PCNX2: variants seen among roughly 807,000 people sequenced by gnomAD.
PCNX2 encodes pecanex-like protein 2.
A neutral mutation model predicts 223.8 loss-of-function variants in PCNX2; 168 were observed. The ratio of observed to expected loss-of-function variants is 0.75; its 90% CI spans 0.66 to 0.85. The LOEUF is 0.85. Ranked by LOEUF, PCNX2 falls within the 40% of genes least tolerant of loss-of-function variation. The pLI is 0.00. For missense variants in PCNX2, 2,507 were observed against 2,675.5 expected, an observed-to-expected ratio of 0.94 and a Z score of 1.39; for synonymous variants, 1,006 against 1,052.6, an observed-to-expected ratio of 0.96 and a Z score of 0.86.
chr1:233,157,171 T>C (rs1045116602), intron 19 of PCNX2, among the ~76,000 whole-genome samples: 1 of 152,160 alleles, frequency 6.6e-6, no homozygotes, highest in African/African-American at 2.4e-5. Context: ...GCCTTATGGC[T>C]CTTCTGGGTA....
chr1:233,272,914 A>G (rs1660718018), intron 1 of PCNX2, among the ~76,000 whole-genome samples: 1 of 152,208 alleles, frequency 6.6e-6, no homozygotes, highest in East Asian at 1.9e-4. Flanking sequence ...CAAATACCAT[A>G]TGCTCTCACT....
At chr1:233,096,475 T>C (rs1397046762) in intron 21 of PCNX2, among the ~76,000 whole-genome samples, 1 of 152,168 alleles carries the variant, frequency 6.6e-6, no homozygotes, top group Admixed American at 6.5e-5. Flanking sequence ...ATGATGACTG[T>C]GTAGGGAAGG....
At chr1:233,100,045 G>T (rs1188816626) in intron 21 of PCNX2, among the ~76,000 whole-genome samples, 1 of 152,094 alleles carries the variant, frequency 6.6e-6, no homozygotes, top group Non-Finnish European at 1.5e-5. Flanking sequence ...AACTTTACAA[G>T]TTACTGGAAT....
At chr1:233,209,962 G>T (rs1157085468) in intron 12 of PCNX2, among the ~76,000 whole-genome samples, 2 of 152,138 alleles carry the variant, frequency 1.3e-5, no homozygotes, top group African/African-American at 2.4e-5. Flanking sequence ...AACTGGCATG[G>T]TTTAGGAAAT....
At chr1:233,106,157 A>G (rs1014816618) in intron 21 of PCNX2, among the ~76,000 whole-genome samples, 3 of 152,154 alleles carry the variant, frequency 2.0e-5, no homozygotes, top group African/African-American at 7.2e-5. Context: ...TGGTAGAAAC[A>G]ACACAGTTTA....
At chr1:233,301,847 A>G in the PCNX2 span, among the ~76,000 whole-genome samples, 1 of 145,054 alleles carries the variant, frequency 6.9e-6, no homozygotes, top group African/African-American at 2.6e-5. Context: ...GCCAGAATGC[A>G]GTGGTGCAAT....
At chr1:233,116,704 A>G (rs1264439463) in intron 21 of PCNX2, among the ~76,000 whole-genome samples, 1 of 152,130 alleles carries the variant, frequency 6.6e-6, no homozygotes, top group East Asian at 1.9e-4. Flanking sequence ...AAAAGAGGAA[A>G]AGTCTCAAAT....
chr1:233,233,443 T>TGTGC (rs1658192680), intron 9 of PCNX2, among the ~76,000 whole-genome samples: 1 of 151,340 alleles, frequency 6.6e-6, no homozygotes, highest in Admixed American at 6.6e-5. Flanking sequence ...TGTGTGTGTG[T>TGTGC]GTGTGTGTGT....
the PCNX2 span, among the ~76,000 whole-genome samples, chr1:233,302,574 CTTAT>C: frequency 6.7e-6 from 1 of 150,286 alleles, no homozygotes. Context: ...GTGTCTCAGC[CTTAT>C]TTGTTTTACT....
rs571008060 is a variant in PCNX2 at position 233,148,168 on chromosome 1, C to T, written c.3518-8313G>A. ...TGAGAGGACAGCAAATGTGTTTACA[C>T]TATGAGCACACACCAGCAAGCGGGA... On this transcript the variant is annotated intron_variant, in intron 19 of 33. Transcript: ENST00000258229. Among the ~76,000 whole-genome samples, 15 of 152,282 alleles carry T rather than the reference C, an allele frequency of 9.9e-5. No homozygotes were observed. The South Asian group carries it at 3.1e-3, about 32-fold the overall frequency.
chr1:233,275,436 C>T (rs1210559099), intron 1 of PCNX2, among the ~76,000 whole-genome samples: 1 of 152,026 alleles, frequency 6.6e-6, no homozygotes, highest in Non-Finnish European at 1.5e-5. Context: ...CTCCTGACCT[C>T]AAGTGATCTG....
intron 19 of PCNX2, among the ~76,000 whole-genome samples, chr1:233,159,045 A>G (rs78724081): frequency 6.6e-6 from 1 of 152,298 alleles, no homozygotes; most frequent in East Asian, 1.9e-4. Flanking sequence ...AGTACACGGA[A>G]TTGTACAGAA....
intron 21 of PCNX2, among the ~76,000 whole-genome samples, chr1:233,102,517 T>C (rs972574928): frequency 7.2e-5 from 11 of 152,256 alleles, no homozygotes; most frequent in African/African-American, 2.2e-4. Flanking sequence ...AGTGCTTCCC[T>C]TACTTGCTAG....
At position 233,057,231 on chromosome 1, in the gene PCNX2, C is replaced by G. The variant is rs199752050; in HGVS notation, c.4135+1G>C. The G allele has an allele frequency of 6.3e-7, 1 of 1,596,122 alleles. No individual in the cohort carries two copies. Among genetic ancestry groups the G allele is most frequent in the East Asian group, 2.2e-5 (1 of 44,754 alleles). ...GAAAAAGAGAGAAGAGATCTTCTTA[C>G]CTGGATCTCTTTCAATTTGGACTGC... On this transcript the variant is annotated splice_donor_variant, in intron 24 of 33. Transcript: ENST00000258229. LOFTEE classifies it high-confidence loss of function.
intron 2 of PCNX2, 71 bp from the exon 3 acceptor site, chr1:233,262,236 A>C: frequency 1.3e-6 from 2 of 1,566,546 alleles, no homozygotes; most frequent in Non-Finnish European, 1.7e-6. Flanking sequence ...TTTTAGTACT[A>C]GTCTAAAAAC....
chr1:233,132,968 G>A (rs1676591087), intron 21 of PCNX2, among the ~76,000 whole-genome samples: 3 of 145,110 alleles, frequency 2.1e-5, no homozygotes, highest in Admixed American at 7.2e-5. Flanking sequence ...GCGCAATCTC[G>A]GCTCACTGCA....
intron 26 of PCNX2, chr1:233,019,158 C>T: frequency 1.0e-6 from 1 of 985,398 alleles, no homozygotes; most frequent in Non-Finnish European, 1.2e-6. Context: ...AAATGCATGA[C>T]TTAGGCTCTC....
At chr1:233,244,480 AG>A (rs1401440541) in intron 8 of PCNX2, among the ~76,000 whole-genome samples, 1 of 152,076 alleles carries the variant, frequency 6.6e-6, no homozygotes, top group Non-Finnish European at 1.5e-5. Context: ...GAAGGTGAGG[AG>A]GGCAAATCAC....
At chr1:233,167,650 A>C in intron 17 of PCNX2, 3 of 746,712 alleles carry the variant, frequency 4.0e-6, no homozygotes, top group Non-Finnish European at 4.9e-6. Flanking sequence ...TACTATCTAT[A>C]GGTACCTCAT....
Sources: gnomAD v4.1 joint callset for allele counts (sites outside exome capture counted in the v4.1 genomes callset) on GRCh38, gnomAD v4.1.1 for gene constraint, MANE v1.5 for transcripts, NCBI Gene and HGNC (gene_info 2026-07-23, HGNC 2026-07-21) for gene names.